The following GRM5 variants were observed in gnomAD, a reference collection of about 807,000 sequenced individuals.
GRM5 encodes glutamate metabotropic receptor 5.
In GRM5, 19 loss-of-function variants were observed where a neutral mutation model predicts 83.1. That is an observed-to-expected ratio of 0.23 (90% CI 0.16 to 0.34). The LOEUF (loss-of-function observed/expected upper bound fraction) is 0.34, where lower values mean the gene tolerates loss of function less well. GRM5 is among the 10% of genes least tolerant of loss of function. GRM5 has a pLI of 1.00. For missense variants in GRM5, 1,160 were observed against 1,588.3 expected (o/e 0.73, Z 4.58); for synonymous variants, 675 against 633.6 (o/e 1.07, Z -0.98).
chr11:88,522,785 C>T (rs532075340), intron 9 of GRM5: 5 of 152,202 alleles, frequency 3.3e-5, no homozygotes, highest in Admixed American at 3.3e-4. Flanking sequence ...ATGCATTATT[C>T]CCCTCTCCTC....
At chr11:88,618,165 G>T (rs1359577203) in intron 4 of GRM5, among the ~76,000 whole-genome samples, 1 of 152,106 alleles carries the variant, frequency 6.6e-6, no homozygotes, top group Non-Finnish European at 1.5e-5. Flanking sequence ...GAAGGTAAGT[G>T]GGAACTTACA....
intron 2 of GRM5, among the ~76,000 whole-genome samples, chr11:88,934,195 G>A (rs1424194515): frequency 6.6e-6 from 1 of 151,582 alleles, no homozygotes; most frequent in Admixed American, 6.6e-5. Flanking sequence ...TCCTGTATTG[G>A]TCTTTTAATA....
intron 2 of GRM5, among the ~76,000 whole-genome samples, chr11:88,858,597 T>A (rs72952957): frequency 6.6e-6 from 1 of 151,994 alleles, no homozygotes; most frequent in East Asian, 1.9e-4. Flanking sequence ...CAGTTTTAAC[T>A]GCCATACATG....
chr11:88,558,672 C>T (rs549124248), intron 8 of GRM5, among the ~76,000 whole-genome samples: 7 of 151,474 alleles, frequency 4.6e-5, no homozygotes, highest in South Asian at 2.1e-4. Flanking sequence ...TGTGGTGGTG[C>T]GCGCTTATAG....
In GRM5 at chr11:88,587,127, T is replaced by C. The variant is rs568392651; in HGVS notation, c.1690+3474A>G. Among the ~76,000 whole-genome samples, 9 of 152,284 alleles carry C rather than the reference T, an allele frequency of 5.9e-5. No homozygotes were observed. In the East Asian group the frequency reaches 1.7e-3, roughly 29 times the overall value. ...AACATTTCAGTAGGAGTGGCAGATA[T>C]GTATACAGATCATTAAAATTTAGTT... On this transcript the variant is annotated intron_variant, in intron 7 of 9. Transcript: ENST00000305447.
intron 3 of GRM5, among the ~76,000 whole-genome samples, chr11:88,763,650 A>AT (rs1209453036): frequency 6.6e-6 from 1 of 151,814 alleles, no homozygotes; most frequent in African/African-American, 2.4e-5. Context: ...TCTATATGTT[A>AT]TTAAAGTTAT....
chr11:88,844,559 C>T (rs564076872), intron 3 of GRM5, among the ~76,000 whole-genome samples: 1 of 152,258 alleles, frequency 6.6e-6, no homozygotes, highest in East Asian at 1.9e-4. Context: ...TTTTGACTTT[C>T]ATGTCTTATT....
intron 3 of GRM5, among the ~76,000 whole-genome samples, chr11:88,836,648 A>G (rs1944100022): frequency 6.6e-6 from 1 of 152,102 alleles, no homozygotes; most frequent in African/African-American, 2.4e-5. Context: ...TACAAAAATT[A>G]GCTGGGCATG....
intron 2 of GRM5, among the ~76,000 whole-genome samples, chr11:88,894,437 G>T (rs996353556): frequency 2.6e-5 from 4 of 151,908 alleles, no homozygotes; most frequent in Non-Finnish European, 4.4e-5. Context: ...CCTGGCGATT[G>T]ACAACAAACC....
At chr11:88,931,400 T>A (rs1455649488) in intron 2 of GRM5, among the ~76,000 whole-genome samples, 1 of 149,734 alleles carries the variant, frequency 6.7e-6, no homozygotes, top group African/African-American at 2.5e-5. Context: ...AAAATTAAAA[T>A]GAACACAAAG....
At position 89,031,589 on chromosome 11, in the gene GRM5, T is replaced by C. The variant is rs533713388; in HGVS notation, c.661+15623A>G. Among the ~76,000 whole-genome samples, 255 of 151,966 alleles carry C rather than the reference T, an allele frequency of 1.7e-3. 3 individuals carry two copies. The highest frequency in any genetic ancestry group is 0.014 in the Middle Eastern group (4 of 294). ...GTGCTCCTTACAATGCTCAGTAAAA[T>C]GAAAAAATGCAAACAAAAACATCCA... is the stretch of plus-strand genomic sequence containing the variant. On this transcript the variant is annotated intron_variant, in intron 2 of 9. Transcript: ENST00000305447.
chr11:88,594,968 A>G (rs1297289561), intron 6 of GRM5, among the ~76,000 whole-genome samples: 1 of 152,084 alleles, frequency 6.6e-6, no homozygotes, highest in African/African-American at 2.4e-5. Context: ...TTTTTATTAT[A>G]TCTTTGTCTT....
At chr11:88,802,164 T>G (rs1943409969) in intron 3 of GRM5, among the ~76,000 whole-genome samples, 1 of 152,058 alleles carries the variant, frequency 6.6e-6, no homozygotes, top group Non-Finnish European at 1.5e-5. Flanking sequence ...CATTAAAGAG[T>G]AGGGTCATAA....
In GRM5 at chr11:88,909,444, C is replaced by CT. The variant is rs1431296289; in HGVS notation, c.662-59290dup. The stretch of plus-strand genomic sequence containing the variant: ...CAATGGCCAGACTACACTGCCATCC[C>CT]TTTTTTTTCTGAATTTTTGTCTACT... On this transcript the variant is annotated intron_variant, in intron 2 of 9. Transcript: ENST00000305447. Among the ~76,000 whole-genome samples the CT allele has an allele frequency of 1.4e-3, 207 of 146,906 alleles. 3 individuals are homozygous for CT. The highest frequency in any genetic ancestry group is 5.0e-3 in the African/African-American group (198 of 39,676).
intron 2 of GRM5, among the ~76,000 whole-genome samples, chr11:88,974,988 T>C (rs1410016176): frequency 6.6e-6 from 1 of 152,338 alleles, no homozygotes; most frequent in East Asian, 1.9e-4. Flanking sequence ...AGAAGACTTA[T>C]CATGTAAAAC....
chr11:88,623,580 T>A (rs1308441670), intron 4 of GRM5, among the ~76,000 whole-genome samples: 1 of 152,232 alleles, frequency 6.6e-6, no homozygotes. Context: ...TTTGGGAAAT[T>A]GAAGTAGCTT....
At chr11:88,732,284 T>A (rs1460205368) in intron 3 of GRM5, among the ~76,000 whole-genome samples, 2 of 152,096 alleles carry the variant, frequency 1.3e-5, no homozygotes, top group Non-Finnish European at 2.9e-5. Context: ...ACATATCAAT[T>A]AATGTTTTTC....
At position 88,676,465 on chromosome 11, in the gene GRM5, A is replaced by G. The variant is rs538085235; in HGVS notation, c.912-23062T>C. On this transcript the variant is annotated intron_variant, in intron 3 of 9. Coordinates refer to ENST00000305447, the MANE Select transcript of GRM5 (RefSeq NM_001143831.3). ...TGGGGGCAGGAATTGTATATTGAAT[A>G]TATTTATATTCCAGTGCTTGGCAAA... Among the ~76,000 whole-genome samples, 18 of 152,172 alleles carry G rather than the reference A, an allele frequency of 1.2e-4. No homozygotes were observed. The Middle Eastern group carries it at 0.01, about 86-fold the overall frequency.
At chr11:88,938,552 A>AT (rs10622517) in intron 2 of GRM5, among the ~76,000 whole-genome samples, 6,415 of 147,474 alleles carry the variant, frequency 0.043, 402 homozygotes, top group African/African-American at 0.14. Flanking sequence ...GTATTACTTC[A>AT]TTTTTTTTTT....
Sources: allele counts gnomAD v4.1 joint callset (sites outside exome capture counted in the v4.1 genomes callset), GRCh38; gene constraint gnomAD v4.1.1; transcripts MANE v1.5; gene names NCBI Gene and HGNC (gene_info 2026-07-23, HGNC 2026-07-21).